Variants in SIPA1L3 observed in about 807,000 individuals in gnomAD.
SIPA1L3 encodes signal induced proliferation associated 1 like 3.
In SIPA1L3, 59 loss-of-function variants were observed where a neutral mutation model predicts 150.1. That is an observed-to-expected ratio of 0.39 (90% CI 0.32 to 0.49). SIPA1L3 has a LOEUF of 0.49. SIPA1L3 is among the 20% of genes least tolerant of loss of function. The pLI is 0.86. For missense variants in SIPA1L3, 2,211 were observed against 2,489.5 expected, an observed-to-expected ratio of 0.89 and a Z score of 2.38; for synonymous variants, 1,070 against 1,077.6, an observed-to-expected ratio of 0.99 and a Z score of 0.14.
chr19:38,167,793 G>A (rs1972243015), intron 15 of SIPA1L3, among the ~76,000 whole-genome samples: 1 of 152,126 alleles, frequency 6.6e-6, no homozygotes, highest in Non-Finnish European at 1.5e-5. Context: ...TCGAACTCCT[G>A]GGCTCAAGCG....
chr19:38,033,620 C>T (rs947649577), intron 2 of SIPA1L3, among the ~76,000 whole-genome samples: 2 of 151,892 alleles, frequency 1.3e-5, no homozygotes, highest in Non-Finnish European at 2.9e-5. Flanking sequence ...CCCAGGAGGT[C>T]GAGGCCATGC....
rs76166404 is a variant in SIPA1L3 at position 38,038,815 on chromosome 19, A to G, written c.-311+9659A>G. Reference sequence around the variant, plus strand: ...AAGGCCTGGGTCTCACCCTTGACCAATTCAGTTAGAGTTACTGAGCGACAT... The same window carrying G: ...AAGGCCTGGGTCTCACCCTTGACCAGTTCAGTTAGAGTTACTGAGCGACAT... On this transcript the variant is annotated intron_variant, in intron 2 of 21. Transcript: ENST00000222345. 2.8e-4 allele frequency among the ~76,000 whole-genome samples: 43 copies of G among 152,274 alleles called. No homozygotes were observed. In the East Asian group the frequency reaches 8.3e-3, roughly 29 times the overall value.
chr19:38,068,083 C>T (rs1455994624), intron 2 of SIPA1L3, among the ~76,000 whole-genome samples: 5 of 146,828 alleles, frequency 3.4e-5, no homozygotes, highest in African/African-American at 7.6e-5. Context: ...AGTGCAGTGG[C>T]GCTATCTCGG....
At chr19:38,157,933 T>TA (rs1971986381) in intron 13 of SIPA1L3, among the ~76,000 whole-genome samples, 1 of 152,078 alleles carries the variant, frequency 6.6e-6, no homozygotes, top group African/African-American at 2.4e-5. Flanking sequence ...ACATTAACAG[T>TA]AATGCCGAGT....
At position 38,192,244 on chromosome 19, in the gene SIPA1L3, C is replaced by T. The variant is rs1265756167; in HGVS notation, c.4530C>T (p.Ile1510=). The T allele has an allele frequency of 2.0e-5, 32 of 1,613,566 alleles. No individual in the cohort carries two copies. Among genetic ancestry groups the T allele is most frequent in the African/African-American group, 4.0e-5 (3 of 74,858 alleles). ...RSPRKNYKST[I]EDDLKKLIIM... is the part of the protein sequence containing the mutation. ...CACGGAAGAACTACAAATCCACCAT[C>T]GAGGATGACCTGAAGAAACTCATCA... Residue 1510 remains isoleucine (I), a synonymous_variant, in exon 17 of 22, where the codon ATC becomes ATT. Transcript: ENST00000222345.
At position 38,138,910 on chromosome 19, in the gene SIPA1L3, A is replaced by AAAAAAAAAAAAAAAAAAACAAAAAC. The variant is rs1343348254; in HGVS notation, c.3144-2269_3144-2268insAAAAAAAAAAAAACAAAAACAAAAA. ...GAGACTCTATCTCAAAAAAAAAAAA[A>AAAAAAAAAAAAAAAAAAACAAAAAC]AAAAACTGAGTGTGGTGGCTCACGC... On this transcript the variant is annotated intron_variant, in intron 10 of 21. Coordinates refer to ENST00000222345, the MANE Select transcript of SIPA1L3 (RefSeq NM_015073.3). 3.3e-3 allele frequency among the ~76,000 whole-genome samples: 370 copies of AAAAAAAAAAAAAAAAAAACAAAAAC among 112,722 alleles called. 18 individuals carry two copies. The highest frequency in any genetic ancestry group is 6.0e-3 in the African/African-American group (157 of 26,212). The allele number at this position is 112,722 out of a possible 152,430, so 74.0% of individuals were successfully genotyped here. A position where few individuals can be genotyped will look rare whatever the true frequency, so the allele number is the denominator to read the frequency against.
rs191836656 is a variant in SIPA1L3, at chr19:38,139,012, A to G, written c.3144-2172A>G. 1.9e-3 allele frequency among the ~76,000 whole-genome samples: 285 copies of G among 152,110 alleles called. 3 individuals carry two copies. The highest frequency in any genetic ancestry group is 6.6e-3 in the African/African-American group (274 of 41,494). On this transcript the variant is annotated intron_variant, in intron 10 of 21. Coordinates refer to ENST00000222345, the MANE Select transcript of SIPA1L3 (RefSeq NM_015073.3). ...GGCATTCAAGACCAGCCTGGGCAAC[A>G]TGGTGAAATGCCATCTCTACTAAAA...
intron 2 of SIPA1L3, among the ~76,000 whole-genome samples, chr19:38,048,281 G>A (rs1969106496): frequency 6.6e-6 from 1 of 152,254 alleles, no homozygotes; most frequent in African/African-American, 2.4e-5. Context: ...GGGGTGGATG[G>A]GCACCAGGTG....
intron 1 of SIPA1L3, chr19:37,964,112 G>A (rs1165073292): frequency 6.6e-6 from 1 of 152,130 alleles, no homozygotes; most frequent in East Asian, 1.9e-4. Context: ...AAATATTTCA[G>A]TAAATAGTTC....
Position 38,100,036 on chromosome 19 carries a change from G to A in SIPA1L3, c.1740G>A (p.Leu580=), listed in dbSNP as rs1282563470. The change falls in exon 5 of 22, where the codon CTG becomes CTA. Residue 580 remains leucine, a synonymous_variant. Coordinates refer to ENST00000222345, the MANE Select transcript of SIPA1L3 (RefSeq NM_015073.3). ...CCAAGCATGGGACCGGGCGGGGCCT[G>A]CCCTTGAAGGATGCCCTGGAGTATG... The part of the protein sequence containing the change: ...TATKHGTGRG[L]PLKDALEYVI... 3 of 1,612,184 alleles carry A rather than the reference G, an allele frequency of 1.9e-6. No homozygotes were observed. Among genetic ancestry groups the A allele is most frequent in the Middle Eastern group, 1.6e-4 (1 of 6,082 alleles).
intron 2 of SIPA1L3, among the ~76,000 whole-genome samples, chr19:38,056,902 T>G (rs1380672686): frequency 6.6e-6 from 1 of 151,542 alleles, no homozygotes; most frequent in Non-Finnish European, 1.5e-5. Flanking sequence ...TACAAAAAAT[T>G]TAAAAAATTA....
chr19:37,931,534 G>A (rs1250790327), intron 1 of SIPA1L3, among the ~76,000 whole-genome samples: 1 of 152,030 alleles, frequency 6.6e-6, no homozygotes, highest in East Asian at 1.9e-4. Context: ...ACCTCCTGAG[G>A]TTGAGAGTTC....
At chr19:38,036,208 A>T (rs1255124433) in intron 2 of SIPA1L3, among the ~76,000 whole-genome samples, 4 of 152,192 alleles carry the variant, frequency 2.6e-5, no homozygotes, top group Non-Finnish European at 5.9e-5. Context: ...TAGACCTGAC[A>T]GTGTGATTTA....
intron 1 of SIPA1L3, among the ~76,000 whole-genome samples, chr19:37,944,604 T>C (rs757437150): frequency 1.6e-4 from 25 of 152,206 alleles, no homozygotes; most frequent in Non-Finnish European, 2.9e-4. Context: ...AGCATGTTTG[T>C]TAAGTACAGG....
intron 1 of SIPA1L3, among the ~76,000 whole-genome samples, chr19:37,945,488 C>A (rs900139164): frequency 6.6e-6 from 1 of 152,136 alleles, no homozygotes; most frequent in Admixed American, 6.5e-5. Flanking sequence ...CTGCCCACTT[C>A]AGCCTTCCAA....
intron 18 of SIPA1L3, 125 bp from the exon 19 acceptor site, chr19:38,198,264 C>A: frequency 8.6e-7 from 1 of 1,157,312 alleles, no homozygotes; most frequent in South Asian, 2.0e-5. Flanking sequence ...CTCCCAGACC[C>A]CTTACCCTGC....
At chr19:38,069,701 G>A (rs1343544282) in intron 2 of SIPA1L3, among the ~76,000 whole-genome samples, 5 of 151,944 alleles carry the variant, frequency 3.3e-5, no homozygotes, top group African/African-American at 1.2e-4. Flanking sequence ...GTCTTGCTCT[G>A]TCTCCCAGGC....
rs143016071 is a variant in SIPA1L3 at position 38,203,470 on chromosome 19, TGCA to T, written c.5121-654_5121-652del. 7.1e-3 allele frequency among the ~76,000 whole-genome samples: 1,075 copies of T among 151,830 alleles called. 15 individuals carry two copies. Among genetic ancestry groups the T allele is most frequent in the African/African-American group, 0.025 (1,028 of 41,098 alleles). On this transcript the variant is annotated intron_variant, in intron 20 of 21. Transcript: ENST00000222345. ...AAGCAGGAAAGGGCTGCGCGTTCTC[TGCA>T]GCGGCCAGGCAGGCCCAGGGCTGGG...
intron 4 of SIPA1L3, among the ~76,000 whole-genome samples, chr19:38,096,654 A>G (rs1158397375): frequency 1.3e-5 from 2 of 152,142 alleles, no homozygotes; most frequent in African/African-American, 2.4e-5. Flanking sequence ...GTGCTGGTCC[A>G]GTGCATGGCA....
Sources: gnomAD v4.1 joint callset for allele counts (sites outside exome capture counted in the v4.1 genomes callset) on GRCh38, gnomAD v4.1.1 for gene constraint, MANE v1.5 for transcripts, NCBI Gene and HGNC (gene_info 2026-07-23, HGNC 2026-07-21) for gene names.